The following MAF variants were observed in gnomAD, a reference collection of about 807,000 sequenced individuals.
The protein encoded by MAF is transcription factor Maf.
In MAF, 10 loss-of-function variants were observed where a neutral mutation model predicts 22.0. The observed-to-expected ratio is 0.45, with a 90% confidence interval of 0.28 to 0.77. The LOEUF (loss-of-function observed/expected upper bound fraction) is 0.77. Among genes scored for constraint, MAF ranks in the 30% least tolerant of loss-of-function variants. The pLI is 0.12. For missense variants in MAF, 544 were observed against 548.4 expected (o/e 0.99, Z 0.08); for synonymous variants, 337 against 255.8 (o/e 1.32, Z -3.03).
At chr16:79,387,516 T>C in the MAF span, among the ~76,000 whole-genome samples, 5 of 152,318 alleles carry the variant, frequency 3.3e-5, no homozygotes, top group African/African-American at 4.8e-5. Flanking sequence ...TTCATCCTTC[T>C]ACATGAATAG....
chr16:79,351,522 A>G, the MAF span, among the ~76,000 whole-genome samples: 6 of 152,122 alleles, frequency 3.9e-5, no homozygotes, highest in African/African-American at 1.4e-4. Flanking sequence ...TAAATGCTGC[A>G]TCTCTATGCA....
chr16:79,217,557 G>A, the MAF span, among the ~76,000 whole-genome samples: 3 of 152,166 alleles, frequency 2.0e-5, no homozygotes, highest in East Asian at 5.8e-4. Flanking sequence ...TGTTCTGACT[G>A]TAAGTTGGTC....
the MAF span, among the ~76,000 whole-genome samples, chr16:79,434,002 G>A: frequency 6.6e-6 from 1 of 152,100 alleles, no homozygotes; most frequent in Non-Finnish European, 1.5e-5. Context: ...TGTGCCCCAT[G>A]ATCTATTAGC....
the MAF span, among the ~76,000 whole-genome samples, chr16:79,500,703 G>A: frequency 6.6e-6 from 1 of 152,072 alleles, no homozygotes; most frequent in African/African-American, 2.4e-5. Flanking sequence ...TCTGGGAAAG[G>A]TACACTGCAT....
At chr16:79,428,211 C>T in the MAF span, among the ~76,000 whole-genome samples, 3 of 152,024 alleles carry the variant, frequency 2.0e-5, no homozygotes. Context: ...CAGCTACCCT[C>T]ACCTCCTCCA....
intron 1 of MAF, chr16:79,598,156 A>G (rs1229171190): frequency 1.9e-6 from 2 of 1,051,232 alleles, no homozygotes; most frequent in Middle Eastern, 4.3e-4. Context: ...AGAAGAAAAA[A>G]AAACTTTGCT....
At chr16:79,300,806 T>G in the MAF span, among the ~76,000 whole-genome samples, 1 of 152,108 alleles carries the variant, frequency 6.6e-6, no homozygotes, top group Non-Finnish European at 1.5e-5. Flanking sequence ...TGTGTTCAGT[T>G]TTTTTATTGT....
At chr16:79,405,092 A>G in the MAF span, among the ~76,000 whole-genome samples, 1 of 152,164 alleles carries the variant, frequency 6.6e-6, no homozygotes, top group Non-Finnish European at 1.5e-5. Context: ...TTTGGACTCA[A>G]TGATCTCGAA....
the MAF span, among the ~76,000 whole-genome samples, chr16:79,435,210 A>C: frequency 6.6e-6 from 1 of 151,988 alleles, no homozygotes. Flanking sequence ...GTACACACAT[A>C]TATGTACACA....
At chr16:79,485,761 T>C in the MAF span, among the ~76,000 whole-genome samples, 1 of 152,168 alleles carries the variant, frequency 6.6e-6, no homozygotes, top group Non-Finnish European at 1.5e-5. Flanking sequence ...GTCCAAAAGA[T>C]TTAATACAAC....
chr16:79,336,107 C>G, the MAF span, among the ~76,000 whole-genome samples: 1 of 152,172 alleles, frequency 6.6e-6, no homozygotes, highest in Admixed American at 6.5e-5. Context: ...ATCCTTTACC[C>G]AGCTCTCCAA....
At chr16:79,305,197 G>A in the MAF span, among the ~76,000 whole-genome samples, 1,085 of 152,322 alleles carry the variant, frequency 7.1e-3, 12 homozygotes, top group African/African-American at 0.025. Context: ...TCCGGGGCAG[G>A]TGAACTGTTT....
chr16:79,473,285 C>A, the MAF span, among the ~76,000 whole-genome samples: 1 of 152,090 alleles, frequency 6.6e-6, no homozygotes, highest in East Asian at 1.9e-4. Context: ...AATGGAGGAA[C>A]TCTCTCAAGA....
the MAF span, among the ~76,000 whole-genome samples, chr16:79,394,617 C>T: frequency 2.0e-5 from 3 of 152,094 alleles, no homozygotes; most frequent in Non-Finnish European, 4.4e-5. Context: ...TCAGTACTTC[C>T]TTCATAAGGG....
the MAF span, among the ~76,000 whole-genome samples, chr16:79,509,188 G>T: frequency 6.6e-6 from 1 of 152,180 alleles, no homozygotes; most frequent in African/African-American, 2.4e-5. Flanking sequence ...TCTCCGAGGC[G>T]TGGTAGCAAA....
chr16:79,400,554 C>T, the MAF span, among the ~76,000 whole-genome samples: 1 of 152,210 alleles, frequency 6.6e-6, no homozygotes, highest in African/African-American at 2.4e-5. Flanking sequence ...TCATTTGTTT[C>T]CCAGGCTCCT....
At chr16:79,524,950 G>A in the MAF span, among the ~76,000 whole-genome samples, 2 of 152,180 alleles carry the variant, frequency 1.3e-5, no homozygotes, top group African/African-American at 4.8e-5. Flanking sequence ...AAGTAGAGCA[G>A]CATTAGGTTA....
the MAF span, among the ~76,000 whole-genome samples, chr16:79,491,470 G>A: frequency 1.3e-5 from 2 of 152,058 alleles, no homozygotes; most frequent in Admixed American, 6.6e-5. Context: ...TCGCAGTCTC[G>A]AGTCCCAGTC....
At chr16:79,447,484 G>A in the MAF span, among the ~76,000 whole-genome samples, 2 of 152,250 alleles carry the variant, frequency 1.3e-5, no homozygotes, top group South Asian at 4.1e-4. Context: ...CATGGACCAA[G>A]GAATAATTTT....
Sources: allele counts gnomAD v4.1 joint callset (sites outside exome capture counted in the v4.1 genomes callset), GRCh38; gene constraint gnomAD v4.1.1; transcripts MANE v1.5; gene names NCBI Gene and HGNC (gene_info 2026-07-23, HGNC 2026-07-21).